The following CUL1 variants were observed in gnomAD, a reference collection of about 807,000 sequenced individuals.
CUL1 encodes cullin-1.
CUL1 carries 24 observed loss-of-function variants against 118.0 expected under a neutral mutation model. That is an observed-to-expected ratio of 0.20 (90% CI 0.15 to 0.29). CUL1 has a LOEUF of 0.29. Ranked by LOEUF, CUL1 falls within the 10% of genes least tolerant of loss-of-function variation. The pLI is 1.00. For missense variants in CUL1, 361 were observed against 933.8 expected (o/e 0.39, Z 7.99); for synonymous variants, 332 against 340.4 (o/e 0.98, Z 0.27).
chr7:148,756,818 G>C (rs1395110576), intron 3 of CUL1, among the ~76,000 whole-genome samples, 165 bp from the exon 4 acceptor site: 1 of 152,144 alleles, frequency 6.6e-6, no homozygotes, highest in East Asian at 1.9e-4. Context: ...ATATTCTTGT[G>C]AGTTTATATA....
intron 1 of CUL1, among the ~76,000 whole-genome samples, chr7:148,709,566 C>G (rs1315024928): frequency 6.6e-6 from 1 of 152,104 alleles, no homozygotes; most frequent in Non-Finnish European, 1.5e-5. Flanking sequence ...TTATGTTTTT[C>G]AAAGTAAGCT....
At chr7:148,702,652 A>T (rs1363894771) in intron 1 of CUL1, among the ~76,000 whole-genome samples, 3 of 152,196 alleles carry the variant, frequency 2.0e-5, no homozygotes, top group Non-Finnish European at 4.4e-5. Context: ...GCGCTATTGC[A>T]GTTCCATTCT....
chr7:148,730,298 GT>G, intron 2 of CUL1, 36 bp downstream of exon 2: 1 of 1,568,642 alleles, frequency 6.4e-7, no homozygotes, highest in Non-Finnish European at 8.7e-7. Context: ...ATTGCTTAGA[GT>G]TTTGATTATT....
intron 1 of CUL1, among the ~76,000 whole-genome samples, chr7:148,712,921 T>C (rs1798095853): frequency 6.6e-6 from 1 of 152,236 alleles, no homozygotes; most frequent in Non-Finnish European, 1.5e-5. Flanking sequence ...AAATATTTTT[T>C]GTGGGATAAC....
At chr7:148,781,370 C>T (rs567473025) in intron 9 of CUL1, among the ~76,000 whole-genome samples, 11 of 152,194 alleles carry the variant, frequency 7.2e-5, no homozygotes, top group South Asian at 4.1e-4. Context: ...CATGAGCCAC[C>T]GCGCCCGGCC....
intron 2 of CUL1, among the ~76,000 whole-genome samples, chr7:148,751,523 A>G (rs1313973760): frequency 7.3e-6 from 1 of 137,736 alleles, no homozygotes; most frequent in Non-Finnish European, 1.5e-5. Context: ...AGACAGAGTG[A>G]GACTCTGTCT....
In CUL1 at chr7:148,797,802, T is replaced by C. The variant is rs1266230749; in HGVS notation, c.1900-10T>C. 2 of 1,611,962 alleles carry C rather than the reference T, an allele frequency of 1.2e-6. No homozygotes were observed. The highest frequency in any genetic ancestry group is 1.3e-5 in the African/African-American group (1 of 74,954). ...TCCCTTTAACTTCCTCTTTTTCTCT[T>C]TAATTGCAGGACATTTTGGCGCAAG... is the stretch of plus-strand genomic sequence containing the variant. On this transcript the variant is annotated splice_polypyrimidine_tract_variant and intron_variant, in intron 17 of 21. Transcript: ENST00000325222.
At chr7:148,721,427 A>T in intron 1 of CUL1, among the ~76,000 whole-genome samples, 1 of 151,070 alleles carries the variant, frequency 6.6e-6, no homozygotes, top group Admixed American at 6.6e-5. Context: ...TATGGAAAGT[A>T]GAAACTGCAG....
chr7:148,779,996 G>A (rs2005853), intron 9 of CUL1, among the ~76,000 whole-genome samples: 107,099 of 152,100 alleles, frequency 0.7, 38,192 homozygotes, highest in African/African-American at 0.81. Flanking sequence ...GCCCTCGAAC[G>A]TCAGACTCCA....
intron 20 of CUL1, 91 bp downstream of exon 20, chr7:148,798,768 A>C (rs67248614): frequency 2.0e-6 from 2 of 1,023,776 alleles, no homozygotes; most frequent in Middle Eastern, 2.0e-4. Flanking sequence ...CGGGGGTGAC[A>C]AAGGAGTGAT....
intron 9 of CUL1, among the ~76,000 whole-genome samples, chr7:148,778,747 C>A (rs1174306036): frequency 6.6e-6 from 1 of 152,180 alleles, no homozygotes. Flanking sequence ...TTGATCTGCT[C>A]TCTTTAGCCC....
rs367918854 is a variant in CUL1, at chr7:148,726,227, T to C, written c.-161-3735T>C. Among the ~76,000 whole-genome samples, 43 of 152,346 alleles carry C rather than the reference T, an allele frequency of 2.8e-4. 1 individual carries two copies. The highest frequency in any genetic ancestry group is 7.5e-4 in the African/African-American group (31 of 41,590). On this transcript the variant is annotated intron_variant, in intron 1 of 21. Transcript: ENST00000325222. ...GTAAAGAACATATTTGATGTGCTTA[T>C]GCTGAGACAGGAGAATGGAGGTGTT... is the stretch of plus-strand genomic sequence containing the variant.
intron 1 of CUL1, among the ~76,000 whole-genome samples, chr7:148,703,257 CTT>C (rs1187224055): frequency 6.6e-6 from 1 of 152,170 alleles, no homozygotes; most frequent in Non-Finnish European, 1.5e-5. Flanking sequence ...TCTTCCTGGT[CTT>C]TTAGTAACAT....
At chr7:148,720,823 T>C (rs1429297695) in intron 1 of CUL1, among the ~76,000 whole-genome samples, 1 of 152,234 alleles carries the variant, frequency 6.6e-6, no homozygotes, top group Non-Finnish European at 1.5e-5. Flanking sequence ...ACAACAGATC[T>C]GGTGGCTTGT....
upstream of CUL1, chr7:148,698,759 A>C (rs559428051): frequency 2.6e-5 from 4 of 152,994 alleles, no homozygotes; most frequent in Admixed American, 1.3e-4. Flanking sequence ...CGGTCGCCGG[A>C]GCCGGTGAGG....
intron 2 of CUL1, among the ~76,000 whole-genome samples, chr7:148,743,953 ACT>A (rs767855917): frequency 3.3e-5 from 5 of 151,926 alleles, no homozygotes; most frequent in Non-Finnish European, 5.9e-5. Context: ...ATATTTTGAA[ACT>A]CTGTTGTTAG....
At chr7:148,779,756 A>G (rs1207679135) in intron 9 of CUL1, among the ~76,000 whole-genome samples, 2 of 152,216 alleles carry the variant, frequency 1.3e-5, no homozygotes, top group African/African-American at 4.8e-5. Flanking sequence ...TTGAGTGTCA[A>G]CTTGATTGGA....
At chr7:148,734,772 G>A (rs566457749) in intron 2 of CUL1, among the ~76,000 whole-genome samples, 2 of 152,162 alleles carry the variant, frequency 1.3e-5, no homozygotes, top group African/African-American at 4.8e-5. Context: ...GGCCTAGCTC[G>A]TGCAGGTGTC....
At chr7:148,786,511 A>C (rs771155987) in intron 11 of CUL1, 40 bp from the exon 12 acceptor site, 11 of 1,511,420 alleles carry the variant, frequency 7.3e-6, no homozygotes, top group Non-Finnish European at 1.0e-5. Flanking sequence ...GTTTAAACGT[A>C]CTGATGTTTT....
Sources: allele counts gnomAD v4.1 joint callset (sites outside exome capture counted in the v4.1 genomes callset), GRCh38; gene constraint gnomAD v4.1.1; transcripts MANE v1.5; gene names NCBI Gene and HGNC (gene_info 2026-07-23, HGNC 2026-07-21).